APBA2: variants seen among roughly 807,000 people sequenced by gnomAD.
APBA2 encodes amyloid-beta A4 precursor protein-binding family A member 2.
APBA2 carries 30 observed loss-of-function variants against 75.0 expected under a neutral mutation model. The ratio of observed to expected loss-of-function variants is 0.40; its 90% CI spans 0.30 to 0.54. The LOEUF (loss-of-function observed/expected upper bound fraction) is 0.54. Among genes scored for constraint, APBA2 ranks in the 20% least tolerant of loss-of-function variants. APBA2 has a pLI of 0.49. For missense variants in APBA2, 801 were observed against 1,016.1 expected, an observed-to-expected ratio of 0.79 and a Z score of 2.88; for synonymous variants, 444 against 409.6, an observed-to-expected ratio of 1.08 and a Z score of -1.01.
At chr15:29,116,176 T>A (rs1038371122) in intron 14 of APBA2, among the ~76,000 whole-genome samples, 1 of 152,154 alleles carries the variant, frequency 6.6e-6, no homozygotes, top group African/African-American at 2.4e-5. Flanking sequence ...GAGGCCTTGC[T>A]TGTATACCCA....
chr15:28,894,076 G>C (rs2032310425), intron 1 of APBA2: 1 of 152,132 alleles, frequency 6.6e-6, no homozygotes, highest in Non-Finnish European at 1.5e-5. Flanking sequence ...TGTCACATAG[G>C]GTGGCTTAAT....
chr15:29,007,920 C>CTGT (rs1440994516), intron 3 of APBA2, among the ~76,000 whole-genome samples: 3 of 152,218 alleles, frequency 2.0e-5, no homozygotes, highest in African/African-American at 7.2e-5. Flanking sequence ...AAGGAAATAT[C>CTGT]TGTACATTCA....
chr15:28,946,009 G>A (rs963590538), intron 2 of APBA2, among the ~76,000 whole-genome samples: 10 of 152,194 alleles, frequency 6.6e-5, no homozygotes, highest in African/African-American at 2.4e-4. Flanking sequence ...TGGATAACAA[G>A]CCTATTACTG....
At chr15:28,958,260 A>C (rs1390792813) in intron 2 of APBA2, among the ~76,000 whole-genome samples, 2 of 152,224 alleles carry the variant, frequency 1.3e-5, no homozygotes, top group Admixed American at 6.5e-5. Context: ...AGGAGGGGCC[A>C]TAATAGCAAC....
At chr15:28,949,002 C>T (rs1030078423) in intron 2 of APBA2, among the ~76,000 whole-genome samples, 1 of 151,912 alleles carries the variant, frequency 6.6e-6, no homozygotes, top group Non-Finnish European at 1.5e-5. Flanking sequence ...GGTTCAGGGG[C>T]TCTGTGTAAG....
chr15:29,102,126 G>A (rs913558243), intron 10 of APBA2: 10 of 428,496 alleles, frequency 2.3e-5, no homozygotes, highest in East Asian at 1.0e-4. Context: ...GCAAATTTTC[G>A]CATGGCCCTG....
rs2041776241 is a variant in APBA2, at chr15:29,054,396, A to C, written c.512A>C (p.Glu171Ala). The change falls in exon 4 of 15, where the codon GAG (glutamate) becomes GCG (alanine). Residue 171 changes from glutamate (E) to alanine (A), a missense_variant. Around this residue, in one of 2 missense-constraint regions of APBA2, gnomAD observed 434 missense variants for 471.6 expected, o/e 0.92. Coordinates refer to ENST00000683413, the MANE Select transcript of APBA2 (RefSeq NM_001353788.2). The surrounding 1 kb of genome is among the most constrained non-coding windows in gnomAD (Gnocchi z 6.1). ...PDGQLPIPED[E>A]PSVLEAHDQE... ...GGCCAACTGCCCATTCCGGAGGATG[A>C]GCCCTCCGTCCTTGAGGCCCATGAC... is the stretch of plus-strand genomic sequence containing the variant. The C allele has an allele frequency of 6.2e-7, 1 of 1,614,094 alleles. No homozygotes were observed. Among genetic ancestry groups the C allele is most frequent in the African/African-American group, 1.3e-5 (1 of 75,044 alleles).
intron 2 of APBA2, among the ~76,000 whole-genome samples, chr15:28,993,524 C>T (rs1048620401): frequency 5.3e-5 from 8 of 152,072 alleles, no homozygotes; most frequent in African/African-American, 1.4e-4. Context: ...CTCCACCCTC[C>T]GCAAAGGCTG....
intron 2 of APBA2, among the ~76,000 whole-genome samples, chr15:28,927,893 C>T (rs943930129): frequency 6.6e-6 from 1 of 151,662 alleles, no homozygotes; most frequent in African/African-American, 2.4e-5. Flanking sequence ...CCTGTAATCC[C>T]AGCACTTTGG....
At chr15:29,083,134 A>G (rs1241457654) in intron 6 of APBA2, among the ~76,000 whole-genome samples, 2 of 152,222 alleles carry the variant, frequency 1.3e-5, no homozygotes, top group Non-Finnish European at 2.9e-5. Context: ...ATTTTAAATT[A>G]TTTAAATAAT....
At position 29,102,296 on chromosome 15, in the gene APBA2, T is replaced by C. The variant is rs543279850; in HGVS notation, c.1524+512T>C. 46 of 203,128 alleles carry C rather than the reference T, an allele frequency of 2.3e-4. No homozygotes were observed. The South Asian group carries it at 2.3e-3, about 10-fold the overall frequency. The allele number at this position is 203,128 out of a possible 1,614,324, so 12.6% of individuals were successfully genotyped here. A position where few individuals can be genotyped will look rare whatever the true frequency, so the allele number is the denominator to read the frequency against. ...TCCCTCCTTGGCTGGAGAAGAGTGT[T>C]GTTTTTAGCCTGGAGGGGGACAGAG... On this transcript the variant is annotated intron_variant, in intron 10 of 14. Transcript: ENST00000683413.
intron 3 of APBA2, among the ~76,000 whole-genome samples, chr15:29,028,890 G>A (rs2040354344): frequency 6.6e-6 from 1 of 151,988 alleles, no homozygotes; most frequent in Non-Finnish European, 1.5e-5. Flanking sequence ...TAAGTTCCTT[G>A]TAGATTCTTG....
At chr15:28,939,251 G>T (rs528564482) in intron 2 of APBA2, among the ~76,000 whole-genome samples, 18 of 152,314 alleles carry the variant, frequency 1.2e-4, no homozygotes, top group African/African-American at 4.3e-4. Context: ...TTGTTGATCT[G>T]TTCTTCTGCT....
intron 2 of APBA2, among the ~76,000 whole-genome samples, chr15:28,950,721 A>T (rs2035819493): frequency 6.6e-6 from 1 of 152,152 alleles, no homozygotes; most frequent in Non-Finnish European, 1.5e-5. Context: ...TGCTTAAGGA[A>T]TGTGGAGTTA....
intron 2 of APBA2, among the ~76,000 whole-genome samples, chr15:28,923,414 C>CT (rs1366544330): frequency 6.6e-6 from 1 of 152,170 alleles, no homozygotes; most frequent in Non-Finnish European, 1.5e-5. Context: ...AACCCTAACT[C>CT]TGATATATAG....
intron 2 of APBA2, among the ~76,000 whole-genome samples, chr15:28,979,510 G>A (rs1372402833): frequency 6.6e-6 from 1 of 152,222 alleles, no homozygotes; most frequent in Non-Finnish European, 1.5e-5. Context: ...CCCTGGGGGT[G>A]CAGAGTGGTG....
At chr15:28,911,648 A>C (rs908452731) in intron 1 of APBA2, among the ~76,000 whole-genome samples, 1 of 152,198 alleles carries the variant, frequency 6.6e-6, no homozygotes, top group Non-Finnish European at 1.5e-5. Flanking sequence ...GAAATGTTTC[A>C]CATTTTAAAA....
chr15:29,054,231 G>A lies in APBA2; in HGVS notation c.347G>A (p.Cys116Tyr). Residue 116 changes from cysteine to tyrosine, a missense_variant, in exon 4 of 15, where the codon TGC (cysteine) becomes TAC (tyrosine). Coordinates refer to ENST00000683413, the MANE Select transcript of APBA2 (RefSeq NM_001353788.2). This position sits in a 1 kb window ranked among gnomAD's most constrained non-coding sequence, Gnocchi z 6.1. ...GACAGCTACCTAGAGGGCATGGACTGCAACGGGGAGGAGTACCTGGCCCAC... is the reference window on the plus strand; with the variant it reads ...GACAGCTACCTAGAGGGCATGGACTACAACGGGGAGGAGTACCTGGCCCAC... Reference protein sequence around the residue: ...EDDSYLEGMDCNGEEYLAHSA... With the variant: ...EDDSYLEGMDYNGEEYLAHSA... The A allele has an allele frequency of 1.2e-6, 2 of 1,614,172 alleles. No individual in the cohort carries two copies. Among genetic ancestry groups the A allele is most frequent in the Non-Finnish European group, 1.7e-6 (2 of 1,180,038 alleles).
intron 4 of APBA2, among the ~76,000 whole-genome samples, chr15:29,073,232 C>T (rs142666224): frequency 2.0e-5 from 3 of 152,308 alleles, no homozygotes; most frequent in East Asian, 3.9e-4. Flanking sequence ...CACCTGACTC[C>T]GAGAGAAGCC....
Sources: allele counts gnomAD v4.1 joint callset (sites outside exome capture counted in the v4.1 genomes callset), GRCh38; gene constraint gnomAD v4.1.1; regional missense constraint gnomAD v4.1.1; non-coding constraint Gnocchi (gnomAD v3.1); transcripts MANE v1.5; gene names NCBI Gene and HGNC (gene_info 2026-07-23, HGNC 2026-07-21).